Variants in EXT1 observed in about 807,000 individuals in gnomAD.
EXT1 encodes exostosin-1.
Under a neutral mutation model 82.5 loss-of-function variants are expected in EXT1, and 20 were observed. The ratio of observed to expected loss-of-function variants is 0.24; its 90% CI spans 0.17 to 0.35. The LOEUF is 0.35. EXT1 is among the 10% of genes least tolerant of loss of function. The probability of loss-of-function intolerance (pLI) is 1.00; values close to 1 mark genes in which losing one functional copy is unlikely to be tolerated. For synonymous variants in EXT1, 348 were observed against 350.8 expected (o/e 0.99, Z 0.09); for missense variants, 757 against 936.5 (o/e 0.81, Z 2.50).
rs113483410 is a variant in EXT1, at chr8:117,855,336, C to T, written c.963-18135G>A. 9.8e-3 allele frequency among the ~76,000 whole-genome samples: 1,494 copies of T among 152,312 alleles called. 31 individuals are homozygous for T. The highest frequency in any genetic ancestry group is 0.034 in the African/African-American group (1,405 of 41,574). ...AAGTCTATCGGCACCATTTTTCCAACAACGTGCTCAATTCCTGTCTCTATC... is the reference window on the plus strand; with the variant it reads ...AAGTCTATCGGCACCATTTTTCCAATAACGTGCTCAATTCCTGTCTCTATC... On this transcript the variant is annotated intron_variant, in intron 1 of 10. Coordinates refer to ENST00000378204, the MANE Select transcript of EXT1 (RefSeq NM_000127.3).
intron 1 of EXT1, among the ~76,000 whole-genome samples, chr8:118,001,135 C>A (rs1200555199): frequency 6.6e-6 from 1 of 152,076 alleles, no homozygotes; most frequent in Non-Finnish European, 1.5e-5. Flanking sequence ...AGTAGAATAT[C>A]ATCTTATTTG....
At position 117,900,919 on chromosome 8, in the gene EXT1, G is replaced by A. The variant is rs953340295; in HGVS notation, c.963-63718C>T. ...CTCAAGTAATCTTGGCACATCTAGG[G>A]TTCAAGCACTAAGAGCATTCTCCAA... On this transcript the variant is annotated intron_variant, in intron 1 of 10. Transcript: ENST00000378204. Among the ~76,000 whole-genome samples the A allele has an allele frequency of 4.6e-5, 7 of 152,338 alleles. No individual in the cohort carries two copies. The East Asian group carries it at 1.4e-3, about 29-fold the overall frequency.
chr8:117,909,414 TA>T, intron 1 of EXT1, among the ~76,000 whole-genome samples: 1 of 152,330 alleles, frequency 6.6e-6, no homozygotes, highest in South Asian at 2.1e-4. Flanking sequence ...CAACATCTTT[TA>T]AAAACTGTAA....
At chr8:118,037,885 G>A (rs534059621) in intron 1 of EXT1, among the ~76,000 whole-genome samples, 2 of 134,792 alleles carry the variant, frequency 1.5e-5, no homozygotes, top group Non-Finnish European at 3.0e-5. Context: ...TTGTCGCCCA[G>A]ACTGCAGTGC....
chr8:117,812,463 G>A (rs1823341475), intron 8 of EXT1, among the ~76,000 whole-genome samples: 1 of 152,154 alleles, frequency 6.6e-6, no homozygotes, highest in Admixed American at 6.5e-5. Flanking sequence ...TCTCCTAACT[G>A]AGGCAATAGG....
At chr8:117,972,549 C>T (rs1168772899) in intron 1 of EXT1, among the ~76,000 whole-genome samples, 1 of 152,212 alleles carries the variant, frequency 6.6e-6, no homozygotes, top group Non-Finnish European at 1.5e-5. Flanking sequence ...AAAATGCAAA[C>T]ACTCACGCAC....
At chr8:117,942,058 A>C (rs1310401091) in intron 1 of EXT1, among the ~76,000 whole-genome samples, 1 of 152,190 alleles carries the variant, frequency 6.6e-6, no homozygotes, top group Non-Finnish European at 1.5e-5. Context: ...TGACCTTCCC[A>C]TCACCTGCTG....
At chr8:117,964,061 C>T (rs11562773) in intron 1 of EXT1, among the ~76,000 whole-genome samples, 2,660 of 152,266 alleles carry the variant, frequency 0.017, 84 homozygotes, top group African/African-American at 0.059. Flanking sequence ...GTAGAAACCA[C>T]TGTGCATTGC....
chr8:118,087,244 A>G (rs1335366011), intron 1 of EXT1, among the ~76,000 whole-genome samples: 1 of 152,192 alleles, frequency 6.6e-6, no homozygotes, highest in African/African-American at 2.4e-5. Context: ...CTGAGATAAG[A>G]ATATTCCTCT....
At chr8:117,968,670 C>T (rs1242956683) in intron 1 of EXT1, among the ~76,000 whole-genome samples, 12 of 99,440 alleles carry the variant, frequency 1.2e-4, no homozygotes, top group South Asian at 7.0e-4. Context: ...CCCGGGTTCA[C>T]GCCATTCTCC....
chr8:117,851,650 CCATT>C, intron 1 of EXT1, among the ~76,000 whole-genome samples: 1 of 146,426 alleles, frequency 6.8e-6, no homozygotes, highest in South Asian at 2.2e-4. Flanking sequence ...CACACACACA[CCATT>C]ATTTAATTTA....
intron 1 of EXT1, among the ~76,000 whole-genome samples, chr8:118,074,521 C>T (rs1563648114): frequency 6.6e-6 from 1 of 151,714 alleles, no homozygotes; most frequent in Non-Finnish European, 1.5e-5. Context: ...CCCCGCGCAC[C>T]GCGGCCACCA....
At chr8:117,860,985 T>G (rs1425872458) in intron 1 of EXT1, among the ~76,000 whole-genome samples, 2 of 152,244 alleles carry the variant, frequency 1.3e-5, no homozygotes, top group African/African-American at 4.8e-5. Context: ...GATTTGACTT[T>G]AATATGAAAT....
chr8:117,964,629 GTTTGTT>G (rs1563614878), intron 1 of EXT1, among the ~76,000 whole-genome samples: 115 of 139,854 alleles, frequency 8.2e-4, no homozygotes, highest in African/African-American at 2.9e-3. Flanking sequence ...GTGTGTGTTT[GTTTGTT>G]TGTTTGTTTG....
At chr8:117,874,106 G>T (rs2129901671) in intron 1 of EXT1, among the ~76,000 whole-genome samples, 1 of 152,268 alleles carries the variant, frequency 6.6e-6, no homozygotes, top group Non-Finnish European at 1.5e-5. Flanking sequence ...AGCCAGTCTA[G>T]TTCATTCTAA....
chr8:118,107,216 C>T (rs938204233), intron 1 of EXT1, among the ~76,000 whole-genome samples: 2 of 152,192 alleles, frequency 1.3e-5, no homozygotes, highest in African/African-American at 4.8e-5. Context: ...ATCTAGTCAT[C>T]AGGCTGCATA....
At chr8:118,075,339 T>C (rs1479244623) in intron 1 of EXT1, among the ~76,000 whole-genome samples, 1 of 152,224 alleles carries the variant, frequency 6.6e-6, no homozygotes, top group Admixed American at 6.5e-5. Flanking sequence ...TTCCCGATAC[T>C]GCAGCTGGAC....
chr8:117,906,604 T>C (rs1813548314), intron 1 of EXT1, among the ~76,000 whole-genome samples: 2 of 152,200 alleles, frequency 1.3e-5, no homozygotes, highest in Admixed American at 1.3e-4. Context: ...CATGCAATGT[T>C]TCCTACGAAA....
At chr8:117,875,456 AT>A (rs1812952801) in intron 1 of EXT1, among the ~76,000 whole-genome samples, 1 of 150,844 alleles carries the variant, frequency 6.6e-6, no homozygotes, top group Non-Finnish European at 1.5e-5. Context: ...AAATAAATAA[AT>A]AAATAAATAA....
Sources: gnomAD v4.1 joint callset for allele counts (sites outside exome capture counted in the v4.1 genomes callset) on GRCh38, gnomAD v4.1.1 for gene constraint, MANE v1.5 for transcripts, NCBI Gene and HGNC (gene_info 2026-07-23, HGNC 2026-07-21) for gene names.